SOX6: variants seen among roughly 807,000 people sequenced by gnomAD.
The protein encoded by SOX6 is transcription factor SOX-6.
In SOX6, 11 loss-of-function variants were observed where a neutral mutation model predicts 97.8. The observed-to-expected ratio is 0.11, with a 90% CI of 0.07 to 0.19. The LOEUF (loss-of-function observed/expected upper bound fraction) is 0.19. Ranked by LOEUF, SOX6 falls within the 10% of genes least tolerant of loss-of-function variation. SOX6 has a pLI of 1.00. For synonymous variants in SOX6, 360 were observed against 371.4 expected, an observed-to-expected ratio of 0.97 and a Z score of 0.35; for missense variants, 810 against 1,039.5, an observed-to-expected ratio of 0.78 and a Z score of 3.04.
chr11:16,220,584 A>T (rs1256802277), intron 4 of SOX6, among the ~76,000 whole-genome samples: 2 of 152,028 alleles, frequency 1.3e-5, no homozygotes, highest in Non-Finnish European at 2.9e-5. Context: ...ATCGTTTCCC[A>T]TGAGATAATT....
chr11:16,212,609 A>C (rs981970050), intron 4 of SOX6, among the ~76,000 whole-genome samples: 1 of 152,202 alleles, frequency 6.6e-6, no homozygotes, highest in Non-Finnish European at 1.5e-5. Context: ...TAACTATAAA[A>C]GTTGGATTGT....
At position 16,111,825 on chromosome 11, in the gene SOX6, G is replaced by A. The variant is rs777066595; in HGVS notation, c.876C>T (p.Pro292=). 4 of 1,612,984 alleles carry A rather than the reference G, an allele frequency of 2.5e-6. No individual in the cohort carries two copies. Among genetic ancestry groups the A allele is most frequent in the Non-Finnish European group, 3.4e-6 (4 of 1,179,942 alleles). The change falls in exon 7 of 16, where the codon CCC becomes CCT. Residue 292 remains proline (P), a synonymous_variant. Transcript: ENST00000683767. ...TACCTGGTTTGTATGTTATTCCAGGGGGGAAGAGGAATCCCTGTTGGGCAG... is the reference window on the plus strand; with the variant it reads ...TACCTGGTTTGTATGTTATTCCAGGAGGGAAGAGGAATCCCTGTTGGGCAG... ...AAAAQQGFLF[P]PGITYKPGDN... is the part of the protein sequence containing the mutation.
intron 3 of SOX6, among the ~76,000 whole-genome samples, chr11:16,291,799 G>A (rs1167880381): frequency 6.6e-6 from 1 of 151,988 alleles, no homozygotes. Context: ...TGGTATTAAT[G>A]TAATAAATAT....
chr11:16,365,179 G>A (rs915819183), intron 1 of SOX6, among the ~76,000 whole-genome samples: 10 of 152,126 alleles, frequency 6.6e-5, no homozygotes, highest in Middle Eastern at 3.4e-3. Context: ...ACAGGTTTGT[G>A]TGTATAGGAG....
intron 4 of SOX6, among the ~76,000 whole-genome samples, chr11:16,563,878 C>T (rs547611916): frequency 6.6e-6 from 1 of 152,122 alleles, no homozygotes; most frequent in Non-Finnish European, 1.5e-5. Flanking sequence ...GACACCTTAC[C>T]TATAAGGGGA....
At chr11:16,485,029 A>C (rs1860405196) in intron 4 of SOX6, among the ~76,000 whole-genome samples, 1 of 152,132 alleles carries the variant, frequency 6.6e-6, no homozygotes, top group Admixed American at 6.5e-5. Context: ...ACATACCCTA[A>C]GCCTACTTTA....
At chr11:16,091,128 C>T (rs1042533612) in intron 9 of SOX6, among the ~76,000 whole-genome samples, 3 of 151,992 alleles carry the variant, frequency 2.0e-5, no homozygotes, top group African/African-American at 4.8e-5. Flanking sequence ...TCATCTAAGC[C>T]TAGTTGTAAT....
In SOX6 at chr11:15,989,166, A is replaced by G. The variant is rs867466269; in HGVS notation, c.1797T>C (p.Gly599=). 2 of 1,613,944 alleles carry G rather than the reference A, an allele frequency of 1.2e-6. No homozygotes were observed. The highest frequency in any genetic ancestry group is 3.3e-4 in the Middle Eastern group (2 of 6,060). Residue 599 remains glycine, a synonymous_variant, in exon 14 of 16, where the codon GGT becomes GGC. Transcript: ENST00000683767. ...LQQYYCWPTG[G]ATVAEARVYR... ...AGACTCGTGCTTCAGCCACAGTGGC[A>G]CCTCCTGTTGGCCAACAATAATACT...
intron 4 of SOX6, among the ~76,000 whole-genome samples, chr11:16,215,495 C>A (rs576062538): frequency 1.3e-5 from 2 of 152,282 alleles, no homozygotes; most frequent in Non-Finnish European, 2.9e-5. Flanking sequence ...GAAGTCTAGC[C>A]AGCATCCAGT....
At chr11:16,265,529 A>G (rs1364652880) in intron 3 of SOX6, among the ~76,000 whole-genome samples, 1 of 151,910 alleles carries the variant, frequency 6.6e-6, no homozygotes, top group Non-Finnish European at 1.5e-5. Context: ...GGTAAAATTC[A>G]CCATGGCTAG....
chr11:16,449,292 T>G, intron 1 of SOX6, among the ~76,000 whole-genome samples: 1 of 122,634 alleles, frequency 8.2e-6, no homozygotes, highest in African/African-American at 3.3e-5. Context: ...TTTTTTTTTT[T>G]TTTTTTTTTT....
At chr11:16,228,447 A>C (rs1157706344) in intron 4 of SOX6, among the ~76,000 whole-genome samples, 2 of 152,176 alleles carry the variant, frequency 1.3e-5, no homozygotes, top group East Asian at 3.8e-4. Context: ...AAAAAATGGT[A>C]GGGAGTTAAG....
chr11:16,315,720 A>G (rs912766469), intron 3 of SOX6: 1 of 152,202 alleles, frequency 6.6e-6, no homozygotes, highest in Non-Finnish European at 1.5e-5. Context: ...ATCCCCAGGA[A>G]GCTAGACAGT....
intron 13 of SOX6, among the ~76,000 whole-genome samples, chr11:15,989,498 T>A (rs1231966994): frequency 6.6e-6 from 1 of 152,304 alleles, no homozygotes; most frequent in East Asian, 1.9e-4. Flanking sequence ...CACAGAGCAA[T>A]GAATGACATT....
At chr11:16,361,461 A>G (rs1297541473), upstream of SOX6, among the ~76,000 whole-genome samples, 1 of 152,186 alleles carries the variant, frequency 6.6e-6, no homozygotes, top group African/African-American at 2.4e-5. Context: ...GCAGGTACAA[A>G]AGTGCTGGGA....
At chr11:16,428,270 G>A (rs1159605748) in intron 1 of SOX6, among the ~76,000 whole-genome samples, 2 of 152,120 alleles carry the variant, frequency 1.3e-5, no homozygotes, top group South Asian at 2.1e-4. Context: ...CTCCCATTCT[G>A]TAGGTTGCCT....
intron 6 of SOX6, among the ~76,000 whole-genome samples, chr11:16,170,210 T>TGTTA (rs1463654858): frequency 2.0e-5 from 3 of 152,060 alleles, no homozygotes; most frequent in African/African-American, 7.2e-5. Context: ...TCCCAGAGGC[T>TGTTA]GCTACTCATT....
intron 12 of SOX6, among the ~76,000 whole-genome samples, chr11:16,024,771 C>A (rs1208617390): frequency 1.3e-5 from 2 of 152,036 alleles, no homozygotes; most frequent in Admixed American, 6.6e-5. Flanking sequence ...GCAGCACATG[C>A]CTGCTGAAAT....
intron 3 of SOX6, among the ~76,000 whole-genome samples, chr11:16,651,587 C>A (rs956117152): frequency 9.9e-5 from 15 of 151,912 alleles, no homozygotes; most frequent in African/African-American, 3.4e-4. Context: ...TTTATGATTA[C>A]AACCCTCAGC....
Sources: allele counts gnomAD v4.1 joint callset (sites outside exome capture counted in the v4.1 genomes callset), GRCh38; gene constraint gnomAD v4.1.1; transcripts MANE v1.5; gene names NCBI Gene and HGNC (gene_info 2026-07-23, HGNC 2026-07-21).